The following NEMP2 variants were observed in gnomAD, a reference collection of about 807,000 sequenced individuals.
The protein encoded by NEMP2 is UPF0571 transmembrane protein.
Under a neutral mutation model 54.2 loss-of-function variants are expected in NEMP2, and 53 were observed. The ratio of observed to expected loss-of-function variants is 0.98; its 90% CI spans 0.78 to 1.23. The LOEUF is 1.23. Ranked by LOEUF, NEMP2 falls within the 50% of genes most tolerant of loss-of-function variation. NEMP2 has a pLI of 0.00. For missense variants in NEMP2, 455 were observed against 511.3 expected, an observed-to-expected ratio of 0.89 and a Z score of 1.06; for synonymous variants, 197 against 190.3, an observed-to-expected ratio of 1.04 and a Z score of -0.29.
the NEMP2 span, among the ~76,000 whole-genome samples, chr2:190,566,116 T>C: frequency 9.9e-5 from 15 of 151,440 alleles, no homozygotes; most frequent in Non-Finnish European, 2.2e-4. Context: ...CATCTCACAG[T>C]CTGGGGCAAC....
upstream of NEMP2, among the ~76,000 whole-genome samples, chr2:190,536,303 C>A (rs753122593): frequency 2.6e-5 from 4 of 152,170 alleles, no homozygotes; most frequent in South Asian, 8.3e-4. Flanking sequence ...TTACCACCAA[C>A]AGGATCCTGG....
rs1323283198 is a variant in NEMP2, at chr2:190,514,361, T to G, written c.953+92A>C. 1.2e-4 allele frequency: 137 copies of G among 1,170,104 alleles called. No homozygotes were observed. The highest frequency in any genetic ancestry group is 1.7e-4 in the Non-Finnish European group (134 of 810,820). 72.5% of individuals were successfully genotyped at this position (1,170,104 alleles called of 1,614,324 possible). On this transcript the variant is annotated intron_variant, in intron 7 of 8. Coordinates refer to ENST00000409150, the MANE Select transcript of NEMP2 (RefSeq NM_001142645.2). This position sits in a 1 kb window ranked among gnomAD's most constrained non-coding sequence, Gnocchi z 5.7. ...GAAATCTCCAGATCAAATGTAATTA[T>G]GAGATTAACATGATGTGTGCAAACA...
At chr2:190,556,415 G>A in the NEMP2 span, among the ~76,000 whole-genome samples, 5 of 152,144 alleles carry the variant, frequency 3.3e-5, no homozygotes, top group African/African-American at 1.2e-4. Context: ...TTGAAAACCG[G>A]CACAAGACAT....
the NEMP2 span, among the ~76,000 whole-genome samples, chr2:190,593,059 C>G: frequency 6.6e-6 from 1 of 152,142 alleles, no homozygotes; most frequent in African/African-American, 2.4e-5. This position sits in a 1 kb window ranked among gnomAD's most constrained non-coding sequence, Gnocchi z 4.5. Flanking sequence ...GGCCATAAGG[C>G]TCCTGACAAA....
chr2:190,496,053 C>A, the NEMP2 span, among the ~76,000 whole-genome samples: 2 of 151,982 alleles, frequency 1.3e-5, no homozygotes, highest in African/African-American at 2.4e-5. The surrounding 1 kb of genome is among the most constrained non-coding windows in gnomAD (Gnocchi z 4.7). Flanking sequence ...AGTAAACAGA[C>A]AACCCACAGA....
At chr2:190,624,818 G>C in the NEMP2 span, 1 of 152,138 alleles carries the variant, frequency 6.6e-6, no homozygotes, top group East Asian at 1.9e-4. Context: ...AGGGGTGAAG[G>C]AGAGACAAAG....
chr2:190,631,527 T>C, the NEMP2 span, among the ~76,000 whole-genome samples: 1 of 152,254 alleles, frequency 6.6e-6, no homozygotes, highest in Non-Finnish European at 1.5e-5. Context: ...ATATGTTATA[T>C]TTTAAAGCTA....
the NEMP2 span, among the ~76,000 whole-genome samples, chr2:190,606,172 T>G: frequency 1.3e-5 from 2 of 152,166 alleles, no homozygotes; most frequent in Non-Finnish European, 2.9e-5. Context: ...TCAGTGGCCT[T>G]TTTTTCTAAC....
At chr2:190,637,990 C>T in the NEMP2 span, among the ~76,000 whole-genome samples, 1 of 152,192 alleles carries the variant, frequency 6.6e-6, no homozygotes. This position sits in a 1 kb window ranked among gnomAD's most constrained non-coding sequence, Gnocchi z 4.5. Flanking sequence ...CAAATGCAGA[C>T]ATCAGTAACA....
chr2:190,581,165 C>T, the NEMP2 span, among the ~76,000 whole-genome samples: 8,861 of 152,228 alleles, frequency 0.058, 343 homozygotes, highest in Middle Eastern at 0.11. Flanking sequence ...AAATAGATGT[C>T]ATTTTAAATT....
At chr2:190,478,537 G>T in the NEMP2 span, among the ~76,000 whole-genome samples, 18 of 152,140 alleles carry the variant, frequency 1.2e-4, no homozygotes, top group African/African-American at 4.3e-4. Context: ...TACAAGGCTC[G>T]TCCAAATGGC....
chr2:190,614,638 T>C, the NEMP2 span, among the ~76,000 whole-genome samples: 1 of 152,160 alleles, frequency 6.6e-6, no homozygotes, highest in East Asian at 1.9e-4. The surrounding 1 kb of genome is among the most constrained non-coding windows in gnomAD (Gnocchi z 5.7). Flanking sequence ...GTTTACGTGA[T>C]ATGAAAGGGA....
the NEMP2 span, among the ~76,000 whole-genome samples, chr2:190,562,234 A>G: frequency 6.6e-6 from 1 of 152,214 alleles, no homozygotes; most frequent in African/African-American, 2.4e-5. This position sits in a 1 kb window ranked among gnomAD's most constrained non-coding sequence, Gnocchi z 5.0. Context: ...CTCCATAGCT[A>G]AGCTCTGGTC....
chr2:190,421,833 T>A, the NEMP2 span, among the ~76,000 whole-genome samples: 1 of 152,220 alleles, frequency 6.6e-6, no homozygotes, highest in Non-Finnish European at 1.5e-5. Context: ...TTATCACCTG[T>A]ATGTCTTTAA....
At chr2:190,482,672 C>CT in the NEMP2 span, among the ~76,000 whole-genome samples, 1 of 151,694 alleles carries the variant, frequency 6.6e-6, no homozygotes, top group Non-Finnish European at 1.5e-5. Flanking sequence ...GAAGAAAGGA[C>CT]TTTTTTTCCT....
At chr2:190,562,592 CTAAG>C in the NEMP2 span, among the ~76,000 whole-genome samples, 3 of 152,198 alleles carry the variant, frequency 2.0e-5, no homozygotes, top group South Asian at 2.1e-4. This position sits in a 1 kb window ranked among gnomAD's most constrained non-coding sequence, Gnocchi z 5.0. Context: ...TTTAAGCTCT[CTAAG>C]TATCAGTTAA....
At chr2:190,604,870 A>G in the NEMP2 span, among the ~76,000 whole-genome samples, 611 of 152,290 alleles carry the variant, frequency 4.0e-3, 23 homozygotes, top group Admixed American at 0.038. The surrounding 1 kb of genome is among the most constrained non-coding windows in gnomAD (Gnocchi z 4.5). Flanking sequence ...AGCACTTCAC[A>G]TGCCTTGTGA....
At chr2:190,626,429 T>G in the NEMP2 span, 1 of 152,128 alleles carries the variant, frequency 6.6e-6, no homozygotes. The surrounding 1 kb of genome is among the most constrained non-coding windows in gnomAD (Gnocchi z 4.5). Flanking sequence ...GGAATGCCCT[T>G]TTATATTACC....
At chr2:190,581,526 A>G in the NEMP2 span, among the ~76,000 whole-genome samples, 68,734 of 152,054 alleles carry the variant, frequency 0.45, 16,139 homozygotes, top group Non-Finnish European at 0.53. Context: ...CAGTGACAGA[A>G]AAACTTACCT....
Sources: gnomAD v4.1 joint callset for allele counts (sites outside exome capture counted in the v4.1 genomes callset) on GRCh38, gnomAD v4.1.1 for gene constraint, Gnocchi (gnomAD v3.1) non-coding constraint, MANE v1.5 for transcripts, NCBI Gene and HGNC (gene_info 2026-07-23, HGNC 2026-07-21) for gene names.